CDH12: variants seen among roughly 807,000 people sequenced by gnomAD.
The protein encoded by CDH12 is cadherin 12.
Under a neutral mutation model 74.1 loss-of-function variants are expected in CDH12, and 41 were observed. That is an observed-to-expected ratio of 0.55 (90% CI 0.43 to 0.72). The LOEUF is 0.72. Ranked by LOEUF, CDH12 falls within the 30% of genes least tolerant of loss-of-function variation. The pLI is 0.00. For missense variants in CDH12, 945 were observed against 977.2 expected (o/e 0.97, Z 0.44); for synonymous variants, 399 against 355.0 (o/e 1.12, Z -1.39).
intron 1 of CDH12, among the ~76,000 whole-genome samples, chr5:22,510,292 G>GAAAGA (rs1408744940): frequency 3.9e-5 from 6 of 152,004 alleles, no homozygotes; most frequent in African/African-American, 1.2e-4. Flanking sequence ...ATATTCATTT[G>GAAAGA]AAAGAACAAA....
At chr5:21,964,143 GA>G (rs901187246) in intron 6 of CDH12, among the ~76,000 whole-genome samples, 1 of 151,898 alleles carries the variant, frequency 6.6e-6, no homozygotes, top group Non-Finnish European at 1.5e-5. Context: ...GACTTATTAG[GA>G]AAAATTATAA....
chr5:22,377,076 G>A (rs1184324580), intron 3 of CDH12, among the ~76,000 whole-genome samples: 2 of 151,974 alleles, frequency 1.3e-5, no homozygotes, highest in Admixed American at 6.6e-5. Context: ...TTTTCCTACT[G>A]GCTGTCTCCA....
At chr5:22,281,827 C>T (rs556763771) in intron 3 of CDH12, among the ~76,000 whole-genome samples, 1 of 152,224 alleles carries the variant, frequency 6.6e-6, no homozygotes, top group Admixed American at 6.5e-5. Context: ...CAATGCTATT[C>T]CTGTGAAGCT....
chr5:22,827,923 T>G (rs974374391), intron 1 of CDH12, among the ~76,000 whole-genome samples: 1 of 152,174 alleles, frequency 6.6e-6, no homozygotes, highest in African/African-American at 2.4e-5. Flanking sequence ...GCTTAGCATA[T>G]TGTTAACAAG....
At chr5:22,745,003 C>G (rs917114385) in intron 1 of CDH12, among the ~76,000 whole-genome samples, 2 of 151,154 alleles carry the variant, frequency 1.3e-5, no homozygotes, top group Non-Finnish European at 2.9e-5. Context: ...ATAATTAACT[C>G]GGCTAGCTAA....
chr5:22,338,405 G>T (rs925613249), intron 3 of CDH12, among the ~76,000 whole-genome samples: 7 of 151,972 alleles, frequency 4.6e-5, no homozygotes, highest in African/African-American at 1.7e-4. Flanking sequence ...GATAATAGAA[G>T]GATGACTACC....
chr5:22,703,498 CT>C (rs1404042361), intron 1 of CDH12, among the ~76,000 whole-genome samples: 3 of 152,000 alleles, frequency 2.0e-5, no homozygotes, highest in East Asian at 1.9e-4. Flanking sequence ...TGCTTAGCAC[CT>C]TTTTCCCCCA....
chr5:22,719,446 T>C (rs1336249044), intron 1 of CDH12, among the ~76,000 whole-genome samples: 6 of 152,170 alleles, frequency 3.9e-5, no homozygotes, highest in African/African-American at 7.2e-5. Flanking sequence ...CCTTCCATCC[T>C]TTGCATTTGC....
intron 13 of CDH12, 73 bp downstream of exon 13, chr5:21,760,485 T>C (rs952338016): frequency 1.7e-5 from 13 of 755,504 alleles, no homozygotes; most frequent in Non-Finnish European, 2.8e-5. Flanking sequence ...CAAAGAAAAG[T>C]ATTGATTCCT....
At chr5:21,776,995 C>G (rs995068099) in intron 11 of CDH12, among the ~76,000 whole-genome samples, 6 of 152,098 alleles carry the variant, frequency 3.9e-5, no homozygotes, top group Non-Finnish European at 1.5e-5. Context: ...TTAGATATTA[C>G]ATATCATTTC....
intron 2 of CDH12, among the ~76,000 whole-genome samples, chr5:22,463,066 G>T (rs1028013732): frequency 3.3e-5 from 5 of 152,130 alleles, no homozygotes; most frequent in Non-Finnish European, 7.4e-5. Context: ...AAGTTAAAGT[G>T]CTATTAGGAA....
chr5:21,911,463 ATAT>A (rs1189351241), intron 6 of CDH12, among the ~76,000 whole-genome samples: 3 of 152,130 alleles, frequency 2.0e-5, no homozygotes, highest in Admixed American at 1.3e-4. Flanking sequence ...TAATACTACA[ATAT>A]TATTGATAAT....
At chr5:21,843,458 C>CA (rs1360471487) in intron 7 of CDH12, among the ~76,000 whole-genome samples, 8 of 149,354 alleles carry the variant, frequency 5.4e-5, no homozygotes, top group South Asian at 2.1e-4. Context: ...GAAATTGTTG[C>CA]AAAAAAAAGA....
intron 5 of CDH12, among the ~76,000 whole-genome samples, chr5:22,021,712 T>C (rs549703378): frequency 1.3e-5 from 2 of 152,244 alleles, no homozygotes; most frequent in Non-Finnish European, 2.9e-5. Context: ...ATAGGGTGAG[T>C]TAATGCTAAT....
At chr5:21,906,465 CA>C (rs1308097771) in intron 6 of CDH12, among the ~76,000 whole-genome samples, 4 of 152,310 alleles carry the variant, frequency 2.6e-5, no homozygotes, top group South Asian at 2.1e-4. Flanking sequence ...CCTCTTGCCA[CA>C]TTACTCTTAA....
intron 4 of CDH12, among the ~76,000 whole-genome samples, chr5:22,128,138 A>T (rs1463518146): frequency 6.6e-6 from 1 of 152,116 alleles, no homozygotes; most frequent in African/African-American, 2.4e-5. Context: ...TGCTAATGGG[A>T]TTCACTCTTG....
intron 6 of CDH12, among the ~76,000 whole-genome samples, chr5:21,887,912 AT>A (rs35663197): frequency 0.71 from 107,598 of 151,384 alleles, 41,905 homozygotes; most frequent in Non-Finnish European, 0.86. Flanking sequence ...CCAATACTGT[AT>A]TTTTTTTTTC....
At chr5:22,685,410 G>C (rs1000170441) in intron 1 of CDH12, among the ~76,000 whole-genome samples, 5 of 152,004 alleles carry the variant, frequency 3.3e-5, no homozygotes, top group African/African-American at 1.2e-4. Flanking sequence ...GCTAATTTTT[G>C]TATTTTTAGT....
intron 1 of CDH12, among the ~76,000 whole-genome samples, chr5:22,829,932 G>A (rs1160667803): frequency 2.0e-5 from 3 of 152,106 alleles, no homozygotes; most frequent in Non-Finnish European, 4.4e-5. Flanking sequence ...AAAAACCACA[G>A]CTTTTTAACG....
Sources: allele counts gnomAD v4.1 joint callset (sites outside exome capture counted in the v4.1 genomes callset), GRCh38; gene constraint gnomAD v4.1.1; transcripts MANE v1.5; gene names NCBI Gene and HGNC (gene_info 2026-07-23, HGNC 2026-07-21).